The following PTCHD4 variants were observed in gnomAD, a reference collection of about 807,000 sequenced individuals.
PTCHD4 encodes the protein patched domain-containing protein 4.
A neutral mutation model predicts 58.1 loss-of-function variants in PTCHD4; 33 were observed. That is an observed-to-expected ratio of 0.57 (90% CI 0.43 to 0.76). The LOEUF (loss-of-function observed/expected upper bound fraction) is 0.76. Among genes scored for constraint, PTCHD4 ranks in the 30% least tolerant of loss-of-function variants. The probability of loss-of-function intolerance (pLI) is 0.00; values close to 1 mark genes in which losing one functional copy is unlikely to be tolerated. For missense variants in PTCHD4, 1,058 were observed against 1,027.1 expected, an observed-to-expected ratio of 1.03 and a Z score of -0.41; for synonymous variants, 478 against 409.6, an observed-to-expected ratio of 1.17 and a Z score of -2.02.
intron 1 of PTCHD4, among the ~76,000 whole-genome samples, chr6:48,092,095 T>G (rs1482012769): frequency 3.3e-5 from 5 of 152,194 alleles, no homozygotes; most frequent in Non-Finnish European, 5.9e-5. Flanking sequence ...ATCTGTCTTC[T>G]GTCCTAAATT....
chr6:48,059,707 A>C (rs550666069), intron 3 of PTCHD4, among the ~76,000 whole-genome samples: 1 of 152,270 alleles, frequency 6.6e-6, no homozygotes, highest in East Asian at 1.9e-4. Context: ...GAGATGTAAC[A>C]CAATCTGGAT....
chr6:48,064,590 AG>A (rs1159492482), intron 3 of PTCHD4, among the ~76,000 whole-genome samples: 1 of 152,184 alleles, frequency 6.6e-6, no homozygotes, highest in Non-Finnish European at 1.5e-5. Flanking sequence ...TTGGGTCAAA[AG>A]CACTTTAAAG....
At chr6:48,012,288 T>C (rs1762706127) in intron 3 of PTCHD4, among the ~76,000 whole-genome samples, 1 of 152,224 alleles carries the variant, frequency 6.6e-6, no homozygotes, top group Admixed American at 6.5e-5. Flanking sequence ...GTCCTTTACA[T>C]GCATTGTAAG....
intron 4 of PTCHD4, among the ~76,000 whole-genome samples, chr6:47,917,771 T>C (rs1237950042): frequency 6.6e-6 from 1 of 152,162 alleles, no homozygotes; most frequent in Non-Finnish European, 1.5e-5. Flanking sequence ...AAGATAGACA[T>C]ACCTGCAATT....
chr6:47,912,114 T>G (rs1765089765), intron 4 of PTCHD4, among the ~76,000 whole-genome samples: 2 of 152,136 alleles, frequency 1.3e-5, no homozygotes, highest in East Asian at 3.9e-4. Context: ...TTGATTAGGG[T>G]TATTACCCAC....
At chr6:47,945,457 T>C (rs1288239802) in intron 4 of PTCHD4, among the ~76,000 whole-genome samples, 2 of 152,082 alleles carry the variant, frequency 1.3e-5, no homozygotes, top group East Asian at 3.8e-4. Flanking sequence ...GTAAACTCTC[T>C]CTTAAATTTT....
chr6:47,941,435 A>G (rs925563187), intron 4 of PTCHD4, among the ~76,000 whole-genome samples: 2 of 152,158 alleles, frequency 1.3e-5, no homozygotes, highest in African/African-American at 2.4e-5. Context: ...CCTATATTAT[A>G]TCTATCTAGA....
rs1261153462 is a variant in PTCHD4 at position 47,858,458 on chromosome 6, T to C, written c.*19845A>G. On this transcript the variant is annotated 3_prime_UTR_variant, in exon 5 of 5. Coordinates refer to ENST00000339488, the MANE Select transcript of PTCHD4 (RefSeq NM_001384253.1). ...ATGTAAACATTAATGGAAATAAAAGTTATCACATCTCCCAAACAACTATCA... is the reference window on the plus strand; with the variant it reads ...ATGTAAACATTAATGGAAATAAAAGCTATCACATCTCCCAAACAACTATCA... 6.6e-6 allele frequency among the ~76,000 whole-genome samples: 1 copy of C among 151,972 alleles called. No homozygotes were observed. Among genetic ancestry groups the C allele is most frequent in the Admixed American group, 6.6e-5 (1 of 15,204 alleles).
chr6:48,040,890 C>A (rs145153085), intron 3 of PTCHD4, among the ~76,000 whole-genome samples: 12 of 151,952 alleles, frequency 7.9e-5, no homozygotes, highest in African/African-American at 2.9e-4. Context: ...CCTACAAAGA[C>A]GTAAAATCTC....
At chr6:48,038,892 A>C (rs1047490340) in intron 3 of PTCHD4, among the ~76,000 whole-genome samples, 8 of 152,186 alleles carry the variant, frequency 5.3e-5, no homozygotes, top group African/African-American at 1.9e-4. Context: ...TCGTCAAGAC[A>C]ACATCTGAAA....
At chr6:48,019,458 C>T (rs1013069789) in intron 3 of PTCHD4, among the ~76,000 whole-genome samples, 76 of 152,174 alleles carry the variant, frequency 5.0e-4, no homozygotes, top group African/African-American at 1.6e-3. Flanking sequence ...AAGTACTGGC[C>T]GGGCGCTGTG....
intron 4 of PTCHD4, among the ~76,000 whole-genome samples, chr6:47,949,646 GTC>G (rs1172781665): frequency 6.6e-6 from 1 of 152,014 alleles, no homozygotes; most frequent in Non-Finnish European, 1.5e-5. Context: ...CTTTGCAACT[GTC>G]TCTCTCTCTT....
rs114489416 is a variant in PTCHD4, at chr6:47,857,571, C to A, written c.*20732G>T. Reference sequence around the variant, plus strand: ...TTTCTTTATTGCATTCTGATTTTTTCAATATTGCATTGCAGTGCTAACTCA... The same window carrying A: ...TTTCTTTATTGCATTCTGATTTTTTAAATATTGCATTGCAGTGCTAACTCA... On this transcript the variant is annotated 3_prime_UTR_variant, in exon 5 of 5. Transcript: ENST00000339488. Among the ~76,000 whole-genome samples the A allele has an allele frequency of 0.032, 4,827 of 152,052 alleles. 142 individuals are homozygous for A. The highest frequency in any genetic ancestry group is 0.047 in the Non-Finnish European group (3,193 of 67,940).
At position 47,919,384 on chromosome 6, in the gene PTCHD4, C is replaced by T. The variant is rs1319052635; in HGVS notation, c.899-39448G>A. Among the ~76,000 whole-genome samples the T allele has an allele frequency of 2.0e-5, 3 of 151,998 alleles. No homozygotes were observed. The East Asian group carries it at 5.8e-4, about 29-fold the overall frequency. On this transcript the variant is annotated intron_variant, in intron 4 of 4. Transcript: ENST00000339488. The stretch of plus-strand genomic sequence containing the variant: ...TAAGATAATTTCATCATGATAAATG[C>T]TATAAGCAAAATATAGTAATTAGAG...
chr6:47,909,802 T>C (rs931845619), intron 4 of PTCHD4, among the ~76,000 whole-genome samples: 37 of 151,986 alleles, frequency 2.4e-4, no homozygotes, highest in African/African-American at 8.9e-4. Flanking sequence ...TCTTCCTTTT[T>C]TCCTTTCTTC....
chr6:47,965,948 C>T (rs1467106337), intron 4 of PTCHD4, among the ~76,000 whole-genome samples: 1 of 151,870 alleles, frequency 6.6e-6, no homozygotes. Context: ...AAACAAAAAA[C>T]AACAACAAAA....
intron 4 of PTCHD4, among the ~76,000 whole-genome samples, chr6:48,007,905 A>G (rs900189905): frequency 2.7e-5 from 4 of 150,140 alleles, no homozygotes; most frequent in African/African-American, 9.9e-5. Flanking sequence ...CCCAGATTTG[A>G]TCTTCTCTTT....
chr6:47,900,082 T>C (rs1201104123), intron 4 of PTCHD4: 1 of 152,234 alleles, frequency 6.6e-6, no homozygotes, highest in African/African-American at 2.4e-5. Context: ...ATGAATAATA[T>C]TGCTATGAAC....
chr6:47,879,595 G>T lies in PTCHD4; in HGVS notation c.1240C>A (p.Arg414Ser), dbSNP rs371091755. The part of the protein sequence containing the change: ...CKIPSAEYLD[R>S]KPVWFQTVMS... ...ACTGTCTGGAACCACACAGGTTTGC[G>T]ATCCAGGTATTCTGCAGAAGGGATC... is the stretch of plus-strand genomic sequence containing the variant. The change falls in exon 5 of 5, where the codon CGC (arginine) becomes AGC (serine). Residue 414 changes from arginine to serine, a missense_variant. Physicochemically the swap from Arg to Ser is moderately radical, Grantham distance 110 (BLOSUM62 -1). Coordinates refer to ENST00000339488, the MANE Select transcript of PTCHD4 (RefSeq NM_001384253.1). 2 of 1,613,710 alleles carry T rather than the reference G, an allele frequency of 1.2e-6. No homozygotes were observed. Among genetic ancestry groups the T allele is most frequent in the Non-Finnish European group, 1.7e-6 (2 of 1,179,756 alleles).
Sources: gnomAD v4.1 joint callset for allele counts (sites outside exome capture counted in the v4.1 genomes callset) on GRCh38, gnomAD v4.1.1 for gene constraint, MANE v1.5 for transcripts, NCBI Gene and HGNC (gene_info 2026-07-23, HGNC 2026-07-21) for gene names.